Variants in COG8 observed in about 807,000 individuals in gnomAD.
COG8 encodes the protein component of oligomeric golgi complex 8.
Under a neutral mutation model 46.5 loss-of-function variants are expected in COG8, and 45 were observed. That is an observed-to-expected ratio of 0.97 (90% CI 0.76 to 1.24). COG8 has a LOEUF of 1.24. COG8 is among the 50% of genes most tolerant of loss of function. The probability of loss-of-function intolerance (pLI) is 0.00; values close to 1 mark genes in which losing one functional copy is unlikely to be tolerated. For missense variants in COG8, 793 were observed against 820.8 expected (o/e 0.97, Z 0.41); for synonymous variants, 407 against 347.8 (o/e 1.17, Z -1.90).
intron 5 of COG8, 85 bp downstream of exon 5, chr16:69,330,728 G>A: frequency 7.0e-7 from 1 of 1,419,456 alleles, no homozygotes; most frequent in Non-Finnish European, 9.2e-7. Flanking sequence ...TCTCCTCCCG[G>A]GAGCGCCTTC....
In COG8 at chr16:69,328,889, C is replaced by G. The variant is rs1252328451; in HGVS notation, c.*317G>C. The stretch of plus-strand genomic sequence containing the variant: ...TTCTGACATCTTCCTCCAGCTCAGT[C>G]TGCCATGCCTTGGCAATCCAGTTTC... On this transcript the variant is annotated 3_prime_UTR_variant, in exon 6 of 6. Coordinates refer to ENST00000306875, the MANE Select transcript of COG8 (RefSeq NM_032382.5). 3 of 1,170,010 alleles carry G rather than the reference C, an allele frequency of 2.6e-6. No homozygotes were observed. The East Asian group carries it at 7.9e-5, about 31-fold the overall frequency. 72.5% of individuals were successfully genotyped at this position (1,170,010 alleles called of 1,614,324 possible). A position where few individuals can be genotyped will look rare whatever the true frequency, so the allele number is the denominator to read the frequency against.
chr16:69,335,372 C>A (rs778114825), intron 2 of COG8, 24 bp from the exon 3 acceptor site: 1 of 1,553,110 alleles, frequency 6.4e-7, no homozygotes, highest in East Asian at 2.4e-5. Context: ...GAGAGAGTCA[C>A]ACTGCGCTGG....
At chr16:69,332,220 C>T (rs551415964) in intron 4 of COG8, among the ~76,000 whole-genome samples, 3 of 152,064 alleles carry the variant, frequency 2.0e-5, no homozygotes, top group Admixed American at 1.3e-4. Flanking sequence ...CGTGGTGGTG[C>T]GAGTCTGTAG....
At chr16:69,330,715 C>T in intron 5 of COG8, 98 bp downstream of exon 5, 1 of 1,409,884 alleles carries the variant, frequency 7.1e-7, no homozygotes, top group Non-Finnish European at 9.3e-7. Flanking sequence ...CGCCCCCTTC[C>T]GCTCTCCTCC....
chr16:69,329,608 G>C (rs1965719480), intron 5 of COG8, among the ~76,000 whole-genome samples: 1 of 152,236 alleles, frequency 6.6e-6, no homozygotes, highest in South Asian at 2.1e-4. Flanking sequence ...CATTCCGCGA[G>C]GCATCCTGTG....
In COG8 at chr16:69,334,560, C is replaced by T. The variant is rs775562778; in HGVS notation, c.1374G>A (p.Ala458=). The T allele has an allele frequency of 7.4e-6, 12 of 1,614,180 alleles. No individual in the cohort carries two copies. Among genetic ancestry groups the T allele is most frequent in the South Asian group, 1.1e-5 (1 of 91,088 alleles). The change falls in exon 3 of 6, where the codon GCG becomes GCA. Residue 458 remains alanine (A), a synonymous_variant. Transcript: ENST00000306875. ...DLRLCCPVAL[A]QDVTGALEDA... is the part of the protein sequence containing the mutation. ...CTTCCAAGGCCCCAGTCACATCCTG[C>T]GCCAGGGCCACAGGGCAGCAGAGGC...
Position 69,328,799 on chromosome 16 carries a change from G to C in COG8, c.*407C>G. On this transcript the variant is annotated 3_prime_UTR_variant, in exon 6 of 6. Transcript: ENST00000306875. ...ATTGTTAGGAAATGTCCACTCCTTT[G>C]GGGGTGATTTTTCTCCTCAAGTTGT... is the stretch of plus-strand genomic sequence containing the variant. 3.5e-6 allele frequency: 2 copies of C among 566,708 alleles called. No homozygotes were observed. Among genetic ancestry groups the C allele is most frequent in the South Asian group, 4.6e-5 (2 of 43,102 alleles). 35.1% of individuals were successfully genotyped at this position (566,708 alleles called of 1,614,324 possible).
chr16:69,330,625 C>T, intron 5 of COG8, 188 bp downstream of exon 5: 1 of 1,405,864 alleles, frequency 7.1e-7, no homozygotes, highest in Non-Finnish European at 9.2e-7. Context: ...GCGCGGGGCA[C>T]GCCGGGAAGC....
chr16:69,330,122 AG>A, intron 5 of COG8: 1 of 1,582,448 alleles, frequency 6.3e-7, no homozygotes, highest in Non-Finnish European at 8.6e-7. Flanking sequence ...GAACACGCGC[AG>A]GGGGAAGGGC....
rs1380782311 is a variant in COG8 at position 69,327,352 on chromosome 16, G to A, written c.*1854C>T. 1 of 151,984 alleles carries A rather than the reference G, an allele frequency of 6.6e-6. No homozygotes were observed. The highest frequency in any genetic ancestry group is 2.4e-5 in the African/African-American group (1 of 41,364). The allele number at this position is 151,984 out of a possible 1,614,324, so 9.4% of individuals were successfully genotyped here. ...CCAGCTAATTTTCATATTTTTAGTA[G>A]AAACAGTGTTTCGCCATGTTGGCCA... On this transcript the variant is annotated 3_prime_UTR_variant, in exon 6 of 6. Coordinates refer to ENST00000306875, the MANE Select transcript of COG8 (RefSeq NM_032382.5).
intron 5 of COG8, 150 bp downstream of exon 5, chr16:69,330,663 C>T (rs2011745735): frequency 2.1e-6 from 3 of 1,397,842 alleles, no homozygotes; most frequent in South Asian, 3.1e-5. Flanking sequence ...AGCGAAGCCG[C>T]GACTGGATCC....
intron 5 of COG8, chr16:69,330,167 C>A: frequency 3.3e-6 from 5 of 1,522,980 alleles, no homozygotes; most frequent in African/African-American, 1.4e-5. Context: ...GCGGGGCGGG[C>A]ACTCCCGACA....
intron 1 of COG8, chr16:69,338,552 C>T (rs1404915656): frequency 1.3e-5 from 2 of 152,832 alleles, no homozygotes; most frequent in African/African-American, 2.4e-5. Flanking sequence ...ATAATAAGAG[C>T]TTTGCATGAA....
rs749363867 is a variant in COG8 at position 69,336,626 on chromosome 16, A to G, written c.464T>C (p.Ile155Thr). 1 of 1,614,100 alleles carries G rather than the reference A, an allele frequency of 6.2e-7. No homozygotes were observed. The highest frequency in any genetic ancestry group is 1.7e-5 in the Admixed American group (1 of 60,018). ...GTCCATGAGCTGAGGAATCTCCAGT[A>G]TTTCCAAAATTTCTGTGTGCCGGTT... ...TLNRHTEILEILEIPQLMDTC... is the reference protein window; with the variant it reads ...TLNRHTEILETLEIPQLMDTC... Residue 155 changes from isoleucine to threonine, a missense_variant, in exon 2 of 6, where the codon ATA becomes ACA. Physicochemically the swap from Ile to Thr is moderately conservative, Grantham distance 89 (BLOSUM62 -1). Coordinates refer to ENST00000306875, the MANE Select transcript of COG8 (RefSeq NM_032382.5).
intron 5 of COG8, chr16:69,330,520 C>T: frequency 6.8e-7 from 1 of 1,474,374 alleles, no homozygotes; most frequent in Non-Finnish European, 8.9e-7. Context: ...CGCCCCACGG[C>T]ACGGCCGCCC....
rs1379794058 is a variant in COG8 at position 69,330,895 on chromosome 16, A to G, written c.1783T>C (p.Cys595Arg). 6.4e-7 allele frequency: 1 copy of G among 1,550,474 alleles called. No individual in the cohort carries two copies. The highest frequency in any genetic ancestry group is 8.7e-7 in the Non-Finnish European group (1 of 1,147,108). ...EPRLEPAGPA[C>R]PEGGRAETQA... is the part of the protein sequence containing the mutation. ...GTCTCCGCTCGCCCTCCCTCCGGGC[A>G]GGCTGGGCCCGCGGGCTCCAGGCGT... Residue 595 changes from cysteine (C) to arginine (R), a missense_variant, in exon 5 of 6, where the codon TGC (cysteine) becomes CGC (arginine). Transcript: ENST00000306875.
chr16:69,339,339 G>A lies in COG8; in HGVS notation c.214C>T (p.Arg72Trp). 2.5e-6 allele frequency: 4 copies of A among 1,603,648 alleles called. No individual in the cohort carries two copies. The South Asian group carries it at 3.3e-5, about 13-fold the overall frequency. Residue 72 changes from arginine (R) to tryptophan (W), a missense_variant, in exon 1 of 6, where the codon CGG becomes TGG. Arg to Trp is a moderately radical substitution (Grantham distance 101). Coordinates refer to ENST00000306875, the MANE Select transcript of COG8 (RefSeq NM_032382.5). ...CGCGTCTGCTGCAGCAGCTGCGCCC[G>A]CTCCTCCGCCAGGCGCTCGGGCTCG... ...RREPERLAEE[R>W]AQLLQQTRDL...
intron 2 of COG8, among the ~76,000 whole-genome samples, chr16:69,336,125 T>A (rs1442390598): frequency 1.3e-5 from 2 of 152,132 alleles, no homozygotes; most frequent in Non-Finnish European, 2.9e-5. Flanking sequence ...AAATGTTACC[T>A]CCCTAGAAGA....
At position 69,335,103 on chromosome 16, in the gene COG8, G is replaced by A. The variant is rs1381127204; in HGVS notation, c.831C>T (p.Ala277=). The A allele has an allele frequency of 1.9e-6, 3 of 1,614,192 alleles. No homozygotes were observed. The highest frequency in any genetic ancestry group is 3.3e-5 in the Admixed American group (2 of 60,014). ...PYFHITKTIE[A]SRVHLFDIIT... is the part of the protein sequence containing the mutation. ...TGATATCAAAGAGATGGACACGGGA[G>A]GCCTCGATGGTTTTTGTAATATGGA... Residue 277 remains alanine, a synonymous_variant, in exon 3 of 6, where the codon GCC becomes GCT. Transcript: ENST00000306875.
Sources: allele counts gnomAD v4.1 joint callset (sites outside exome capture counted in the v4.1 genomes callset), GRCh38; gene constraint gnomAD v4.1.1; transcripts MANE v1.5; gene names NCBI Gene and HGNC (gene_info 2026-07-23, HGNC 2026-07-21).